The following DBF4B variants were observed in gnomAD, a reference collection of about 807,000 sequenced individuals.
DBF4B encodes the protein DBF4B-CDC7 kinase regulatory subunit.
DBF4B carries 49 observed loss-of-function variants against 53.4 expected under a neutral mutation model. The observed-to-expected ratio is 0.92, with a 90% confidence interval of 0.73 to 1.16. The LOEUF (loss-of-function observed/expected upper bound fraction) is 1.16. Among genes scored for constraint, DBF4B ranks in the 50% most tolerant of loss-of-function variants. DBF4B has a pLI of 0.00. For synonymous variants in DBF4B, 257 were observed against 288.7 expected (o/e 0.89, Z 1.11); for missense variants, 692 against 775.0 (o/e 0.89, Z 1.27).
chr17:44,751,310 GAA>G lies in DBF4B; in HGVS notation c.*58_*59del, dbSNP rs2145184021. Reference sequence around the variant, plus strand: ...AGGATGGATGGGTGCTGCTTGATGTGAATGAGGTCCCGCAGTGGCTCCTTGGC... The same window carrying G: ...AGGATGGATGGGTGCTGCTTGATGTGTGAGGTCCCGCAGTGGCTCCTTGGC... On this transcript the variant is annotated 3_prime_UTR_variant, in exon 14 of 14. Coordinates refer to ENST00000315005, the MANE Select transcript of DBF4B (RefSeq NM_145663.3). The G allele has an allele frequency of 6.4e-7, 1 of 1,559,698 alleles. No homozygotes were observed. The highest frequency in any genetic ancestry group is 1.4e-5 in the African/African-American group (1 of 74,022).
At chr17:44,736,745 C>A in intron 7 of DBF4B, 85 bp from the exon 8 acceptor site, 3 of 1,474,178 alleles carry the variant, frequency 2.0e-6, no homozygotes, top group Non-Finnish European at 1.9e-6. Flanking sequence ...GTGGGACAGA[C>A]TGGCAGCCAC....
Position 44,751,901 on chromosome 17 carries a change from C to T in DBF4B, c.*648C>T. 1.3e-6 allele frequency: 2 copies of T among 1,536,206 alleles called. No homozygotes were observed. The highest frequency in any genetic ancestry group is 2.0e-5 in the Admixed American group (1 of 50,980). On this transcript the variant is annotated 3_prime_UTR_variant, in exon 14 of 14. Transcript: ENST00000315005. ...GGCCTGGTTCTCCTGTCCCCCTGCC[C>T]TTCCTCACCATTGCCCATTCCCTCG...
At chr17:44,722,512 C>T (rs762550317) in intron 2 of DBF4B, among the ~76,000 whole-genome samples, 50 of 152,320 alleles carry the variant, frequency 3.3e-4, no homozygotes, top group Non-Finnish European at 5.9e-4. Context: ...AAAGCATCCT[C>T]CTGCCTGGCA....
At position 44,732,206 on chromosome 17, in the gene DBF4B, G is replaced by A. The variant is rs144990304; in HGVS notation, c.497G>A (p.Gly166Asp). 360 of 1,614,118 alleles carry A rather than the reference G, an allele frequency of 2.2e-4. 1 individual carries two copies. In the African/African-American group the frequency reaches 4.3e-3, roughly 19 times the overall value. The change falls in exon 6 of 14, where the codon GGC becomes GAC. Residue 166 changes from glycine (G) to aspartate (D), a missense_variant. Physicochemically the swap from Gly to Asp is moderately conservative, Grantham distance 94 (BLOSUM62 -1). Around this residue, in one of 3 missense-constraint regions of DBF4B, gnomAD observed 597 missense variants for 665.8 expected, o/e 0.90. Transcript: ENST00000315005. ...AGCATCAGTGGAGGAGGCAGTGGGGGCAGCAGCAGCCTCCTGACCAATGCC... is the reference window on the plus strand; with the variant it reads ...AGCATCAGTGGAGGAGGCAGTGGGGACAGCAGCAGCCTCCTGACCAATGCC... Reference protein sequence around the residue: ...QGSISGGGSGGSSSLLTNARS... With the variant: ...QGSISGGGSGDSSSLLTNARS...
In DBF4B at chr17:44,731,026, G is replaced by T; in HGVS notation, c.468+11G>T. On this transcript the variant is annotated intron_variant, in intron 5 of 13. Coordinates refer to ENST00000315005, the MANE Select transcript of DBF4B (RefSeq NM_145663.3). ...GCTATCAGAAACCAGGTGAGCTGGG[G>T]CAAGATGGGACAGAGCCGGTGGTCT... 6.2e-7 allele frequency: 1 copy of T among 1,614,034 alleles called. No individual in the cohort carries two copies. The highest frequency in any genetic ancestry group is 8.5e-7 in the Non-Finnish European group (1 of 1,179,914).
At chr17:44,731,777 G>A in intron 5 of DBF4B, 1 of 175,160 alleles carries the variant, frequency 5.7e-6, no homozygotes. Context: ...CTGAGCCAGT[G>A]GAGGGGGAAG....
At chr17:44,720,260 A>G (rs1056515544) in intron 2 of DBF4B, 8 of 291,268 alleles carry the variant, frequency 2.7e-5, no homozygotes, top group Non-Finnish European at 4.7e-5. Flanking sequence ...CAGTAGGGTA[A>G]TATCTAGGCA....
intron 7 of DBF4B, 79 bp downstream of exon 7, chr17:44,734,242 C>T: frequency 6.4e-7 from 1 of 1,557,796 alleles, no homozygotes; most frequent in South Asian, 1.1e-5. Context: ...ATCCATGGCC[C>T]ACCCAAACCA....
intron 2 of DBF4B, among the ~76,000 whole-genome samples, chr17:44,719,369 G>C (rs1248524663): frequency 6.6e-6 from 1 of 151,924 alleles, no homozygotes; most frequent in Non-Finnish European, 1.5e-5. Flanking sequence ...ACAGAATTGG[G>C]CAACCATCAC....
At position 44,751,764 on chromosome 17, in the gene DBF4B, A is replaced by G. The variant is rs1005488753; in HGVS notation, c.*511A>G. 1.4e-6 allele frequency: 2 copies of G among 1,480,614 alleles called. No homozygotes were observed. Among genetic ancestry groups the G allele is most frequent in the African/African-American group, 2.8e-5 (2 of 71,464 alleles). 91.7% of individuals were successfully genotyped at this position (1,480,614 alleles called of 1,614,324 possible). A position where few individuals can be genotyped will look rare whatever the true frequency, so the allele number is the denominator to read the frequency against. ...GTAGCTCTGCCTGAAGCATTCCACT[A>G]AGATCATCTATTCCAAGGTCATGGA... On this transcript the variant is annotated 3_prime_UTR_variant, in exon 14 of 14. Coordinates refer to ENST00000315005, the MANE Select transcript of DBF4B (RefSeq NM_145663.3).
intron 13 of DBF4B, chr17:44,748,934 C>A (rs2049191528): frequency 7.8e-7 from 1 of 1,289,910 alleles, no homozygotes; most frequent in African/African-American, 1.5e-5. Context: ...CCCTGGCAGC[C>A]CACAGACAGA....
intron 6 of DBF4B, chr17:44,733,745 G>A: frequency 4.0e-6 from 1 of 250,710 alleles, no homozygotes; most frequent in Non-Finnish European, 7.8e-6. Context: ...TGAGGGTACA[G>A]CTGAGTAGTT....
At chr17:44,725,681 C>CTTTTTTT (rs1568172432) in intron 3 of DBF4B, among the ~76,000 whole-genome samples, 1 of 79,096 alleles carries the variant, frequency 1.3e-5, no homozygotes, top group African/African-American at 7.5e-5. Flanking sequence ...TTTTTTTGTG[C>CTTTTTTT]TTCTTTTTTT....
At chr17:44,713,786 C>A (rs1973105811) in intron 2 of DBF4B, among the ~76,000 whole-genome samples, 1 of 152,164 alleles carries the variant, frequency 6.6e-6, no homozygotes, top group Non-Finnish European at 1.5e-5. Flanking sequence ...TCAATACTTT[C>A]AAGCTCATCA....
rs68091397 is a variant in DBF4B, at chr17:44,725,684, C to CTTTTTTTTTTTT, written c.225+2671_225+2682dup. Among the ~76,000 whole-genome samples, 80 of 87,632 alleles carry CTTTTTTTTTTTT rather than the reference C, an allele frequency of 9.1e-4. 7 individuals carry two copies. Among genetic ancestry groups the CTTTTTTTTTTTT allele is most frequent in the Middle Eastern group, 7.5e-3 (1 of 134 alleles). 57.5% of individuals were successfully genotyped at this position (87,632 alleles called of 152,430 possible). ...ATCCTGCCTTTGTTTTTTTGTGCTTCTTTTTTTTTTTTTTTTTTTTAAGAG... is the reference window on the plus strand; with the variant it reads ...ATCCTGCCTTTGTTTTTTTGTGCTTCTTTTTTTTTTTTTTTTTTTTTTTTTTTTTTTTAAGAG... On this transcript the variant is annotated intron_variant, in intron 3 of 13. Transcript: ENST00000315005.
intron 3 of DBF4B, 70 bp from the exon 4 acceptor site, chr17:44,729,835 C>G: frequency 6.5e-7 from 1 of 1,538,552 alleles, no homozygotes; most frequent in African/African-American, 1.4e-5. Context: ...ATTTCCTTCT[C>G]CAGCCTCTTT....
At chr17:44,748,565 T>C in intron 13 of DBF4B, 100 bp downstream of exon 13, 2 of 1,567,744 alleles carry the variant, frequency 1.3e-6, no homozygotes, top group East Asian at 2.4e-5. Context: ...TGCCAGGACC[T>C]GGGGGTGTCA....
chr17:44,730,960 G>T lies in DBF4B; in HGVS notation c.418-5G>T. On this transcript the variant is annotated splice_polypyrimidine_tract_variant and splice_region_variant and intron_variant, in intron 4 of 13. Transcript: ENST00000315005. ...CAGACCTCACTGCTCTTCTGTCCCT[G>T]TCAGGTGCCTCTAAGCAGAGGGAAG... 1 of 1,613,816 alleles carries T rather than the reference G, an allele frequency of 6.2e-7. No homozygotes were observed. The highest frequency in any genetic ancestry group is 8.5e-7 in the Non-Finnish European group (1 of 1,179,808).
chr17:44,734,003 G>C (rs564134831), intron 6 of DBF4B, 87 bp from the exon 7 acceptor site: 3 of 1,113,320 alleles, frequency 2.7e-6, no homozygotes, highest in Non-Finnish European at 4.1e-6. Context: ...CTGGCCCAGC[G>C]AGTTTAGTCC....
Sources: gnomAD v4.1 joint callset for allele counts (sites outside exome capture counted in the v4.1 genomes callset) on GRCh38, gnomAD v4.1.1 for gene constraint, gnomAD v4.1.1 regional missense constraint, MANE v1.5 for transcripts, NCBI Gene and HGNC (gene_info 2026-07-23, HGNC 2026-07-21) for gene names.